The following SORCS1 variants were observed in gnomAD, a reference collection of about 807,000 sequenced individuals.
SORCS1 encodes sortilin related VPS10 domain containing receptor 1.
In SORCS1, 60 loss-of-function variants were observed where a neutral mutation model predicts 146.1. The observed-to-expected ratio is 0.41, with a 90% CI of 0.33 to 0.51. The LOEUF is 0.51. Among genes scored for constraint, SORCS1 ranks in the 20% least tolerant of loss-of-function variants. The pLI, the probability that SORCS1 is intolerant of heterozygous loss-of-function variation, is 0.21. For synonymous variants in SORCS1, 637 were observed against 584.0 expected (o/e 1.09, Z -1.31); for missense variants, 1,352 against 1,487.6 (o/e 0.91, Z 1.50).
At chr10:107,018,410 TCTC>T (rs1455631258) in intron 1 of SORCS1, among the ~76,000 whole-genome samples, 5 of 151,734 alleles carry the variant, frequency 3.3e-5, no homozygotes, top group African/African-American at 1.2e-4. Flanking sequence ...ATGGTCTCGA[TCTC>T]CTTACCTCGT....
chr10:106,944,871 C>CTTTTTTTTTTTTTTTT lies in SORCS1; in HGVS notation c.626+11641_626+11642insAAAAAAAAAAAAAAAA, dbSNP rs1564838013. On this transcript the variant is annotated intron_variant, in intron 2 of 25. Coordinates refer to ENST00000263054, the MANE Select transcript of SORCS1 (RefSeq NM_052918.5). ...ATGGTAGAAAGAAGCAAGAAAGAGCCTTCTTTTTTTTTTTTTTTTTTTTTT... is the reference window on the plus strand; with the variant it reads ...ATGGTAGAAAGAAGCAAGAAAGAGCCTTTTTTTTTTTTTTTTTTCTTTTTTTTTTTTTTTTTTTTTT... Among the ~76,000 whole-genome samples the CTTTTTTTTTTTTTTTT allele has an allele frequency of 5.4e-4, 33 of 61,020 alleles. 6 individuals are homozygous for CTTTTTTTTTTTTTTTT. The highest frequency in any genetic ancestry group is 1.3e-3 in the African/African-American group (28 of 22,386). 40.0% of individuals were successfully genotyped at this position (61,020 alleles called of 152,430 possible).
chr10:106,709,006 C>T (rs892240210), intron 7 of SORCS1, among the ~76,000 whole-genome samples: 1 of 152,104 alleles, frequency 6.6e-6, no homozygotes, highest in Non-Finnish European at 1.5e-5. Context: ...GGACACAGCC[C>T]AAAGAAATTC....
intron 1 of SORCS1, among the ~76,000 whole-genome samples, chr10:107,105,005 T>C (rs567164010): frequency 7.9e-5 from 12 of 152,186 alleles, no homozygotes; most frequent in African/African-American, 1.9e-4. Context: ...GGCCAGAAAG[T>C]CTAATTTTAT....
chr10:106,869,819 A>G (rs1251315131), intron 2 of SORCS1, among the ~76,000 whole-genome samples: 1 of 152,148 alleles, frequency 6.6e-6, no homozygotes, highest in Non-Finnish European at 1.5e-5. Flanking sequence ...CTTATTAAAC[A>G]TGTTATTGGA....
chr10:106,671,682 T>C (rs777069755), intron 15 of SORCS1, among the ~76,000 whole-genome samples: 8 of 152,178 alleles, frequency 5.3e-5, no homozygotes, highest in Non-Finnish European at 1.0e-4. Context: ...ACCTAGTGTA[T>C]TGCCAGTAAA....
At chr10:107,034,087 G>T (rs1194789171) in intron 1 of SORCS1, among the ~76,000 whole-genome samples, 1 of 152,206 alleles carries the variant, frequency 6.6e-6, no homozygotes, top group Non-Finnish European at 1.5e-5. Context: ...CCAATAGACA[G>T]CTTGGAGAGA....
At chr10:107,159,294 G>T (rs1157772484) in intron 1 of SORCS1, among the ~76,000 whole-genome samples, 1 of 152,192 alleles carries the variant, frequency 6.6e-6, no homozygotes, top group Non-Finnish European at 1.5e-5. Flanking sequence ...CTTAGTAAAT[G>T]CAGCAGGTAT....
intron 1 of SORCS1, among the ~76,000 whole-genome samples, chr10:106,963,678 G>A (rs375270523): frequency 6.6e-6 from 1 of 151,360 alleles, no homozygotes; most frequent in African/African-American, 2.4e-5. Flanking sequence ...CCTGGGGGGG[G>A]GCCATACATC....
chr10:106,826,224 G>A (rs928455651), intron 3 of SORCS1, among the ~76,000 whole-genome samples: 2 of 152,208 alleles, frequency 1.3e-5, no homozygotes, highest in African/African-American at 4.8e-5. Flanking sequence ...ACAGGTTTCC[G>A]GGAATGCTGA....
At chr10:107,021,097 C>A (rs1316901550) in intron 1 of SORCS1, among the ~76,000 whole-genome samples, 1 of 152,060 alleles carries the variant, frequency 6.6e-6, no homozygotes, top group African/African-American at 2.4e-5. Flanking sequence ...GAATACACTG[C>A]ATGAAGCAAC....
At chr10:106,691,736 C>T (rs1404607594) in intron 9 of SORCS1, among the ~76,000 whole-genome samples, 2 of 152,138 alleles carry the variant, frequency 1.3e-5, no homozygotes, top group Non-Finnish European at 1.5e-5. Context: ...TTCCAAAAAC[C>T]AGGATCTCTT....
At chr10:106,891,486 G>A (rs1236905011) in intron 2 of SORCS1, among the ~76,000 whole-genome samples, 2 of 99,712 alleles carry the variant, frequency 2.0e-5, no homozygotes, top group African/African-American at 6.7e-5. Flanking sequence ...AAAGTAATCA[G>A]AAGTTTCAAT....
At chr10:106,655,441 A>T (rs1398522152) in intron 17 of SORCS1, among the ~76,000 whole-genome samples, 1 of 152,022 alleles carries the variant, frequency 6.6e-6, no homozygotes, top group Non-Finnish European at 1.5e-5. Flanking sequence ...TAATCACTCA[A>T]CATCCAAGCA....
At chr10:106,814,623 A>G (rs1173812484) in intron 3 of SORCS1, among the ~76,000 whole-genome samples, 1 of 152,190 alleles carries the variant, frequency 6.6e-6, no homozygotes, top group Non-Finnish European at 1.5e-5. Flanking sequence ...TAAATATACA[A>G]GGTGGTCTTG....
At position 106,577,534 on chromosome 10, in the gene SORCS1, A is replaced by G. The variant is rs776929398; in HGVS notation, c.3393T>C (p.Pro1131=). Residue 1131 remains proline, a synonymous_variant, in exon 26 of 26, where the codon CCT becomes CCC. Transcript: ENST00000263054. ...KFKRRVALPS[P]PSPSTQPGDS... ...CACCAGGTTGAGTAGAAGGGGAGGG[A>G]GGGGAGGGTAAAGCTACTCTCCTAA... is the stretch of plus-strand genomic sequence containing the variant. 67 of 847,298 alleles carry G rather than the reference A, an allele frequency of 7.9e-5. 1 individual carries two copies. The highest frequency in any genetic ancestry group is 7.4e-4 in the Middle Eastern group (3 of 4,050). 52.5% of individuals were successfully genotyped at this position (847,298 alleles called of 1,614,324 possible).
rs146719941 is a variant in SORCS1 at position 106,961,670 on chromosome 10, T to C, written c.559-5090A>G. On this transcript the variant is annotated intron_variant, in intron 1 of 25. Coordinates refer to ENST00000263054, the MANE Select transcript of SORCS1 (RefSeq NM_052918.5). ...AGCAGATGACAGCAAAGGCAATCTC[T>C]AGTTGCCCTCACTGCTCTCCTTAGC... 3.9e-3 allele frequency among the ~76,000 whole-genome samples: 597 copies of C among 152,328 alleles called. 4 individuals are homozygous for C. The highest frequency in any genetic ancestry group is 0.013 in the African/African-American group (541 of 41,574).
intron 3 of SORCS1, among the ~76,000 whole-genome samples, chr10:106,817,128 G>C (rs149242262): frequency 8.1e-4 from 124 of 152,254 alleles, no homozygotes; most frequent in African/African-American, 2.9e-3. Flanking sequence ...AAAGAAAACA[G>C]ACTACTTCAA....
intron 2 of SORCS1, among the ~76,000 whole-genome samples, chr10:106,928,292 C>T (rs1441925090): frequency 3.9e-5 from 6 of 152,230 alleles, no homozygotes; most frequent in African/African-American, 1.4e-4. Context: ...AGCGCAGCGC[C>T]GGTGGGCCGG....
At position 106,652,454 on chromosome 10, in the gene SORCS1, C is replaced by T. The variant is rs925601287; in HGVS notation, c.2403G>A (p.Arg801=). 4 of 1,614,006 alleles carry T rather than the reference C, an allele frequency of 2.5e-6. No individual in the cohort carries two copies. The highest frequency in any genetic ancestry group is 3.4e-6 in the Non-Finnish European group (4 of 1,179,994). ...KCPGKAPRGL[R]IVTADGKLTA... Reference sequence around the variant, plus strand: ...TCAGCTTTCCATCAGCCGTGACTATCCGCAGCCCCCGCGGGGCTTTCCCTG... The same window carrying T: ...TCAGCTTTCCATCAGCCGTGACTATTCGCAGCCCCCGCGGGGCTTTCCCTG... Residue 801 remains arginine, a synonymous_variant, in exon 18 of 26, where the codon CGG becomes CGA. Coordinates refer to ENST00000263054, the MANE Select transcript of SORCS1 (RefSeq NM_052918.5).
Sources: allele counts gnomAD v4.1 joint callset (sites outside exome capture counted in the v4.1 genomes callset), GRCh38; gene constraint gnomAD v4.1.1; transcripts MANE v1.5; gene names NCBI Gene and HGNC (gene_info 2026-07-23, HGNC 2026-07-21).